The following TMEM38B variants were observed in gnomAD, a reference collection of about 807,000 sequenced individuals.
TMEM38B encodes the protein trimeric intracellular cation channel type B.
TMEM38B carries 24 observed loss-of-function variants against 28.7 expected under a neutral mutation model. That is an observed-to-expected ratio of 0.84 (90% CI 0.61 to 1.18). The LOEUF is 1.18. Ranked by LOEUF, TMEM38B falls within the 50% of genes most tolerant of loss-of-function variation. TMEM38B has a pLI of 0.00. For synonymous variants in TMEM38B, 131 were observed against 127.7 expected (o/e 1.03, Z -0.17); for missense variants, 380 against 350.9 (o/e 1.08, Z -0.66).
intron 4 of TMEM38B, among the ~76,000 whole-genome samples, chr9:105,737,906 G>A (rs1837045644): frequency 6.6e-6 from 1 of 152,142 alleles, no homozygotes; most frequent in Non-Finnish European, 1.5e-5. Flanking sequence ...GAAACAACTG[G>A]GATGCAGGGG....
chr9:105,745,856 G>A (rs189291023), intron 4 of TMEM38B, among the ~76,000 whole-genome samples: 1 of 152,074 alleles, frequency 6.6e-6, no homozygotes, highest in East Asian at 1.9e-4. Flanking sequence ...CCCATTTCTT[G>A]TTTTTGTCAG....
intron 5 of TMEM38B, chr9:105,759,739 A>G: frequency 6.2e-7 from 1 of 1,604,878 alleles, no homozygotes; most frequent in Middle Eastern, 1.7e-4. Context: ...AGAGGAAAAT[A>G]TTCAAAAGCC....
At chr9:105,751,989 G>A (rs1837671321) in intron 5 of TMEM38B, among the ~76,000 whole-genome samples, 1 of 152,184 alleles carries the variant, frequency 6.6e-6, no homozygotes, top group South Asian at 2.1e-4. Flanking sequence ...CTCAGCTGCT[G>A]TAGTCTGCTG....
At chr9:105,697,760 T>C (rs753318335) in intron 1 of TMEM38B, among the ~76,000 whole-genome samples, 5 of 152,224 alleles carry the variant, frequency 3.3e-5, no homozygotes, top group Non-Finnish European at 5.9e-5. Context: ...ATTTTTACTT[T>C]TCCATGAAAA....
chr9:105,774,140 T>C lies in TMEM38B; in HGVS notation c.*60T>C. ...TTTTTCTTATCTACCTGTTATATTG[T>C]GCTAATTTTTCTATGTATGTGATGT... On this transcript the variant is annotated 3_prime_UTR_variant, in exon 6 of 6. Coordinates refer to ENST00000374692, the MANE Select transcript of TMEM38B (RefSeq NM_018112.3). 1 of 1,396,820 alleles carries C rather than the reference T, an allele frequency of 7.2e-7. No homozygotes were observed. Among genetic ancestry groups the C allele is most frequent in the Non-Finnish European group, 9.8e-7 (1 of 1,015,240 alleles). 86.5% of individuals were successfully genotyped at this position (1,396,820 alleles called of 1,614,324 possible).
rs200884909 is a variant in TMEM38B at position 105,774,086 on chromosome 9, C to T, written c.*6C>T. The T allele has an allele frequency of 1.8e-5, 29 of 1,612,650 alleles. No homozygotes were observed. Among genetic ancestry groups the T allele is most frequent in the African/African-American group, 6.7e-5 (5 of 74,946 alleles). The stretch of plus-strand genomic sequence containing the variant: ...ATACTAAGAAGAATGAATAAATTTA[C>T]GTGATGAGCTCTACAAGGCCAAAAA... On this transcript the variant is annotated 3_prime_UTR_variant, in exon 6 of 6. Coordinates refer to ENST00000374692, the MANE Select transcript of TMEM38B (RefSeq NM_018112.3).
rs748526056 is a variant in TMEM38B, at chr9:105,721,848, A to AGT, written c.454+127_454+128insGT. The AGT allele has an allele frequency of 3.4e-3, 2,453 of 713,236 alleles. 40 individuals carry two copies. The highest frequency in any genetic ancestry group is 1.0e-3 in the Non-Finnish European group (497 of 477,824). 44.2% of individuals were successfully genotyped at this position (713,236 alleles called of 1,614,324 possible). A position where few individuals can be genotyped will look rare whatever the true frequency, so the allele number is the denominator to read the frequency against. On this transcript the variant is annotated intron_variant, in intron 3 of 5. Transcript: ENST00000374692. ...ATAACAGAGACTTTTTGGAAGGTAA[A>AGT]AACCTTGTTTCTGTTGGCTGGTAAA...
chr9:105,710,003 A>G (rs1160777301), intron 2 of TMEM38B, among the ~76,000 whole-genome samples: 1 of 152,178 alleles, frequency 6.6e-6, no homozygotes, highest in Non-Finnish European at 1.5e-5. Context: ...ACGCTTATTC[A>G]TATTTAGGGA....
Position 105,728,874 on chromosome 9 carries a change from C to T in TMEM38B, c.542+6253C>T, listed in dbSNP as rs559639090. ...ATATGTCTGTTGGCTGCATTAATGTCTTCTTTTGAGAAGGGTCTGTTCATA... is the reference window on the plus strand; with the variant it reads ...ATATGTCTGTTGGCTGCATTAATGTTTTCTTTTGAGAAGGGTCTGTTCATA... On this transcript the variant is annotated intron_variant, in intron 4 of 5. Coordinates refer to ENST00000374692, the MANE Select transcript of TMEM38B (RefSeq NM_018112.3). Among the ~76,000 whole-genome samples the T allele has an allele frequency of 1.7e-4, 26 of 152,280 alleles. No individual in the cohort carries two copies. The East Asian group carries it at 4.6e-3, about 27-fold the overall frequency.
intron 5 of TMEM38B, among the ~76,000 whole-genome samples, chr9:105,748,702 A>G (rs1837528096): frequency 6.6e-6 from 1 of 152,182 alleles, no homozygotes; most frequent in Admixed American, 6.5e-5. Flanking sequence ...TGAATAGGCA[A>G]GCCACTTAAT....
intron 5 of TMEM38B, chr9:105,758,143 C>G: frequency 3.6e-6 from 2 of 554,002 alleles, no homozygotes; most frequent in Non-Finnish European, 3.3e-6. Flanking sequence ...GCCATGGACG[C>G]CAGTGGGCAC....
rs1268590449 is a variant in TMEM38B, at chr9:105,760,256, T to C, written c.660+12066T>C. 5.0e-6 allele frequency: 4 copies of C among 803,722 alleles called. No homozygotes were observed. In the African/African-American group the frequency reaches 6.7e-5, roughly 14 times the overall value. 49.8% of individuals were successfully genotyped at this position (803,722 alleles called of 1,614,324 possible). On this transcript the variant is annotated intron_variant, in intron 5 of 5. Transcript: ENST00000374692. ...GCAATGGGCATGAAATCACCGATGATACATACCTTTTCTCGATGTGTGCTA... is the reference window on the plus strand; with the variant it reads ...GCAATGGGCATGAAATCACCGATGACACATACCTTTTCTCGATGTGTGCTA...
intron 2 of TMEM38B, 93 bp from the exon 3 acceptor site, chr9:105,721,444 G>C (rs1282682756): frequency 6.3e-6 from 6 of 958,522 alleles, no homozygotes; most frequent in Non-Finnish European, 8.8e-6. Context: ...CATTTGTTGT[G>C]TTTTGCCAAA....
chr9:105,727,753 A>G (rs112147295), intron 4 of TMEM38B, among the ~76,000 whole-genome samples: 212 of 152,140 alleles, frequency 1.4e-3, no homozygotes, highest in African/African-American at 4.8e-3. Context: ...GTGATTCCCA[A>G]TGTTGGAGGT....
intron 1 of TMEM38B, among the ~76,000 whole-genome samples, chr9:105,698,019 C>T (rs1028100366): frequency 1.3e-5 from 2 of 152,086 alleles, no homozygotes; most frequent in Non-Finnish European, 2.9e-5. Flanking sequence ...GCTCTATGCT[C>T]ATTGAACTGG....
intron 5 of TMEM38B, among the ~76,000 whole-genome samples, chr9:105,761,601 T>C (rs1348022344): frequency 1.3e-5 from 2 of 152,150 alleles, no homozygotes; most frequent in Admixed American, 6.6e-5. Context: ...ATAACAACAT[T>C]ACCTACTGCA....
chr9:105,696,310 C>T (rs1248529338), intron 1 of TMEM38B, among the ~76,000 whole-genome samples: 1 of 152,038 alleles, frequency 6.6e-6, no homozygotes, highest in Non-Finnish European at 1.5e-5. Context: ...ATTTTTGAGA[C>T]GGAGTCTCTC....
chr9:105,750,634 C>T (rs1218620192), intron 5 of TMEM38B, among the ~76,000 whole-genome samples: 5 of 151,896 alleles, frequency 3.3e-5, no homozygotes, highest in Non-Finnish European at 5.9e-5. Context: ...AAACAAAAAA[C>T]ACACATTTTT....
chr9:105,731,454 C>A (rs1401025576), intron 4 of TMEM38B, among the ~76,000 whole-genome samples: 1 of 152,066 alleles, frequency 6.6e-6, no homozygotes, highest in Non-Finnish European at 1.5e-5. Context: ...ATCCCTTCCC[C>A]CTCCCTCTCA....
Sources: allele counts gnomAD v4.1 joint callset (sites outside exome capture counted in the v4.1 genomes callset), GRCh38; gene constraint gnomAD v4.1.1; transcripts MANE v1.5; gene names NCBI Gene and HGNC (gene_info 2026-07-23, HGNC 2026-07-21).